Variants in KCNMB3 observed in about 807,000 individuals in gnomAD.
The protein encoded by KCNMB3 is potassium calcium-activated channel subfamily M regulatory beta subunit 3.
In KCNMB3, 18 loss-of-function variants were observed where a neutral mutation model predicts 11.9. The ratio of observed to expected loss-of-function variants is 1.51; its 90% CI spans 1.04 to 2.23. The LOEUF (loss-of-function observed/expected upper bound fraction) is 2.23. Ranked by LOEUF, KCNMB3 falls within the 30% of genes most tolerant of loss-of-function variation. KCNMB3 has a pLI of 0.00. For synonymous variants in KCNMB3, 78 were observed against 119.2 expected, an observed-to-expected ratio of 0.65 and a Z score of 2.25; for missense variants, 247 against 329.4, an observed-to-expected ratio of 0.75 and a Z score of 1.94.
chr3:179,246,411 CA>C lies in KCNMB3; in HGVS notation c.249-1719del, dbSNP rs765985867. On this transcript the variant is annotated intron_variant, in intron 1 of 2. Coordinates refer to ENST00000392685, the MANE Select transcript of KCNMB3 (RefSeq NM_171830.2). The stretch of plus-strand genomic sequence containing the variant: ...AGGGCAACAGAGGCCGACTCTGTCC[CA>C]AAAAAAAAAAAGTAAGAATGTTCGA... Among the ~76,000 whole-genome samples, 180 of 140,976 alleles carry C rather than the reference CA, an allele frequency of 1.3e-3. 1 individual carries two copies. Among genetic ancestry groups the C allele is most frequent in the Middle Eastern group, 7.3e-3 (2 of 274 alleles). 92.5% of individuals were successfully genotyped at this position (140,976 alleles called of 152,430 possible). A position where few individuals can be genotyped will look rare whatever the true frequency, so the allele number is the denominator to read the frequency against.
chr3:179,252,892 C>T (rs539728154), upstream of KCNMB3, among the ~76,000 whole-genome samples: 4 of 151,802 alleles, frequency 2.6e-5, no homozygotes, highest in African/African-American at 4.8e-5. Flanking sequence ...CCACCACGCC[C>T]GGCTAATTTT....
rs562769933 is a variant in KCNMB3, at chr3:179,262,272, G to A, written c.62+4377C>T. On this transcript the variant is annotated intron_variant, in intron 1 of 3. Transcript: ENST00000349697. Reference sequence around the variant, plus strand: ...TATATATTATTCTCAAGCATGTATGGAACATTTATGAAACTGTGTCCGGAA... The same window carrying A: ...TATATATTATTCTCAAGCATGTATGAAACATTTATGAAACTGTGTCCGGAA... Among the ~76,000 whole-genome samples, 19 of 152,286 alleles carry A rather than the reference G, an allele frequency of 1.2e-4. No homozygotes were observed. In the East Asian group the frequency reaches 3.3e-3, roughly 26 times the overall value.
At chr3:179,262,183 T>C (rs1576965039) in intron 1 of KCNMB3, among the ~76,000 whole-genome samples, 1 of 152,336 alleles carries the variant, frequency 6.6e-6, no homozygotes, top group East Asian at 1.9e-4. Context: ...GGGTAATAGA[T>C]TTAAGTAAAG....
chr3:179,259,233 A>G (rs1326248366), intron 1 of KCNMB3: 2 of 1,537,298 alleles, frequency 1.3e-6, no homozygotes, highest in Non-Finnish European at 1.7e-6. Context: ...GGCATCACTA[A>G]TGTCCTGTGA....
chr3:179,264,008 G>A (rs965696400), intron 1 of KCNMB3, among the ~76,000 whole-genome samples: 1 of 151,812 alleles, frequency 6.6e-6, no homozygotes, highest in Non-Finnish European at 1.5e-5. Context: ...TTTTCACCAT[G>A]TTGGCCAGGC....
chr3:179,259,010 T>C, intron 1 of KCNMB3: 1 of 1,614,190 alleles, frequency 6.2e-7, no homozygotes, highest in Non-Finnish European at 8.5e-7. Flanking sequence ...GCCTGCCGCC[T>C]GCCTCAGCTT....
In KCNMB3 at chr3:179,259,251, T is replaced by C. The variant is rs1465078738; in HGVS notation, c.62+7398A>G. On this transcript the variant is annotated intron_variant, in intron 1 of 3. Transcript: ENST00000349697. Reference sequence around the variant, plus strand: ...ATCACTAATGTCCTGTGAGGGACTTTCATTTTTGGGTACGGTGCAGTGATC... The same window carrying C: ...ATCACTAATGTCCTGTGAGGGACTTCCATTTTTGGGTACGGTGCAGTGATC... The C allele has an allele frequency of 2.0e-6, 3 of 1,534,726 alleles. No homozygotes were observed. The African/African-American group carries it at 4.2e-5, about 21-fold the overall frequency.
Position 179,244,472 on chromosome 3 carries a change from G to C in KCNMB3, c.447+23C>G, listed in dbSNP as rs760603962. On this transcript the variant is annotated intron_variant, in intron 2 of 2. Coordinates refer to ENST00000392685, the MANE Select transcript of KCNMB3 (RefSeq NM_171830.2). ...TGGCAGGGAAGGGTTGCTGTCATAAGAACTCTTTAAACTTTACAATACCTT... is the reference window on the plus strand; with the variant it reads ...TGGCAGGGAAGGGTTGCTGTCATAACAACTCTTTAAACTTTACAATACCTT... The C allele has an allele frequency of 1.4e-5, 22 of 1,597,314 alleles. No homozygotes were observed. The Admixed American group carries it at 3.5e-4, about 25-fold the overall frequency.
At chr3:179,252,695 G>T (rs886363320), upstream of KCNMB3, among the ~76,000 whole-genome samples, 1 of 150,540 alleles carries the variant, frequency 6.6e-6, no homozygotes, top group Non-Finnish European at 1.5e-5. Context: ...CAGAGAAGGG[G>T]CATGGAAAAA....
intron 1 of KCNMB3, among the ~76,000 whole-genome samples, chr3:179,245,569 G>C (rs1295745526): frequency 6.6e-6 from 1 of 151,912 alleles, no homozygotes; most frequent in East Asian, 1.9e-4. Context: ...GTGCAATCTC[G>C]GCTCACTGCA....
chr3:179,260,154 TGA>T, intron 1 of KCNMB3: 8 of 1,610,046 alleles, frequency 5.0e-6, no homozygotes, highest in Non-Finnish European at 6.8e-6. Flanking sequence ...CTCTCCAACC[TGA>T]GTCACCGCTG....
At chr3:179,240,021 G>A (rs765436531), downstream of KCNMB3, 20 of 1,547,078 alleles carry the variant, frequency 1.3e-5, no homozygotes, top group South Asian at 2.4e-4. Flanking sequence ...ATCAGAAACT[G>A]TCAATGTCTG....
intron 2 of KCNMB3, among the ~76,000 whole-genome samples, chr3:179,243,824 T>C (rs1725544762): frequency 6.6e-6 from 1 of 152,144 alleles, no homozygotes; most frequent in Non-Finnish European, 1.5e-5. Flanking sequence ...TGGTGACTTT[T>C]TTCAAAAAAG....
intron 1 of KCNMB3, among the ~76,000 whole-genome samples, chr3:179,257,562 T>G (rs1726052396): frequency 6.6e-6 from 1 of 152,176 alleles, no homozygotes; most frequent in Non-Finnish European, 1.5e-5. Context: ...ATGAAAACAT[T>G]TATAACAAAA....
chr3:179,246,692 T>G (rs1576955943), intron 1 of KCNMB3, among the ~76,000 whole-genome samples: 1 of 150,532 alleles, frequency 6.6e-6, no homozygotes, highest in African/African-American at 2.4e-5. Flanking sequence ...TATATGTTTA[T>G]TTTAACTAGG....
chr3:179,254,255 T>C (rs558315829), upstream of KCNMB3, among the ~76,000 whole-genome samples: 9 of 152,232 alleles, frequency 5.9e-5, no homozygotes, highest in Admixed American at 6.5e-5. Context: ...TACCACTCCA[T>C]AGGAAATGGC....
upstream of KCNMB3, among the ~76,000 whole-genome samples, chr3:179,254,191 A>G (rs187168205): frequency 1.2e-3 from 185 of 152,334 alleles, no homozygotes; most frequent in Non-Finnish European, 2.3e-3. Flanking sequence ...CAAAGGACTT[A>G]AAAGTCAGTG....
intron 1 of KCNMB3, chr3:179,266,612 A>T (rs779399770): frequency 6.2e-7 from 1 of 1,612,582 alleles, no homozygotes; most frequent in Non-Finnish European, 8.5e-7. Flanking sequence ...GTTCAGCCAG[A>T]TTCCCACTAC....
At chr3:179,255,663 A>T (rs551751841), upstream of KCNMB3, among the ~76,000 whole-genome samples, 32 of 152,334 alleles carry the variant, frequency 2.1e-4, no homozygotes, top group South Asian at 6.6e-3. Context: ...GCAATATTTT[A>T]AAAAGATAGT....
Sources: allele counts gnomAD v4.1 joint callset (sites outside exome capture counted in the v4.1 genomes callset), GRCh38; gene constraint gnomAD v4.1.1; transcripts MANE v1.5; gene names NCBI Gene and HGNC (gene_info 2026-07-23, HGNC 2026-07-21).